CDH2: variants seen among roughly 807,000 people sequenced by gnomAD.
The protein encoded by CDH2 is cadherin 2, also known as cadherin-2.
A neutral mutation model predicts 92.0 loss-of-function variants in CDH2; 17 were observed. The ratio of observed to expected loss-of-function variants is 0.18; its 90% CI spans 0.13 to 0.28. CDH2 has a LOEUF of 0.28. CDH2 is among the 10% of genes least tolerant of loss of function. The pLI is 1.00. For synonymous variants in CDH2, 419 were observed against 415.9 expected (o/e 1.01, Z -0.09); for missense variants, 862 against 1,133.1 (o/e 0.76, Z 3.44).
intron 2 of CDH2, among the ~76,000 whole-genome samples, chr18:28,108,001 T>C (rs1011362600): frequency 2.0e-5 from 3 of 152,218 alleles, no homozygotes; most frequent in Non-Finnish European, 4.4e-5. Context: ...AATACAAATC[T>C]TCCCCTCTGT....
At chr18:28,036,123 T>C (rs1407914692) in intron 2 of CDH2, among the ~76,000 whole-genome samples, 1 of 152,196 alleles carries the variant, frequency 6.6e-6, no homozygotes, top group African/African-American at 2.4e-5. Context: ...CAAATACAGT[T>C]TGTTGTTAAG....
chr18:28,098,724 C>G (rs550761810), intron 2 of CDH2, among the ~76,000 whole-genome samples: 1 of 152,162 alleles, frequency 6.6e-6, no homozygotes, highest in African/African-American at 2.4e-5. Flanking sequence ...ATTAAGTAGG[C>G]TGCAAACAGG....
chr18:28,006,896 A>G (rs941942115), intron 5 of CDH2, among the ~76,000 whole-genome samples: 1 of 151,586 alleles, frequency 6.6e-6, no homozygotes, highest in African/African-American at 2.4e-5. Context: ...GGCTGGGCAC[A>G]GTGAGTAGCT....
chr18:27,982,273 T>C (rs182781218), intron 14 of CDH2, among the ~76,000 whole-genome samples: 1 of 152,330 alleles, frequency 6.6e-6, no homozygotes, highest in Admixed American at 6.5e-5. Flanking sequence ...TTTCCATTTA[T>C]GGTCATTCTC....
chr18:28,131,707 T>TGTGTGTGG (rs777344485), intron 2 of CDH2, among the ~76,000 whole-genome samples: 8 of 151,922 alleles, frequency 5.3e-5, no homozygotes, highest in Admixed American at 1.3e-4. Context: ...TGTGTGTGTG[T>TGTGTGTGG]GGCCTGAAAT....
At chr18:28,094,093 T>C (rs1189667792) in intron 2 of CDH2, among the ~76,000 whole-genome samples, 7 of 152,224 alleles carry the variant, frequency 4.6e-5, no homozygotes, top group Admixed American at 4.6e-4. Context: ...TATATCCTTC[T>C]ACAATTTTGA....
Position 27,952,178 on chromosome 18 carries a change from T to A in CDH2, c.2696A>T (p.Asp899Val). 1 of 1,613,650 alleles carries A rather than the reference T, an allele frequency of 6.2e-7. No individual in the cohort carries two copies. Among genetic ancestry groups the A allele is most frequent in the Non-Finnish European group, 8.5e-7 (1 of 1,179,676 alleles). ...TCAGTCATCACCTCCACCATACATGTCAGCAAGTTTCTTGAACCGTGGCCC... is the reference window on the plus strand; with the variant it reads ...TCAGTCATCACCTCCACCATACATGACAGCAAGTTTCTTGAACCGTGGCCC... ...DWGPRFKKLADMYGGGDD is the reference protein window; with the variant it reads ...DWGPRFKKLAVMYGGGDD The change falls in exon 16 of 16, where the codon GAC becomes GTC. Residue 899 changes from aspartate to valine, a missense_variant. Asp to Val is a radical substitution (Grantham distance 152). Transcript: ENST00000269141.
chr18:28,013,775 G>C lies in CDH2; in HGVS notation c.307C>G (p.Leu103Val), dbSNP rs1274222569. The change falls in exon 3 of 16, where the codon CTG (leucine) becomes GTG (valine). Residue 103 changes from leucine (L) to valine (V), a missense_variant. By Grantham distance (32) the Leu-to-Val change is conservative. Transcript: ENST00000269141. ...GTCTCTTTGTCTTGGGCATATATCA[G>C]GAACTTGGCATGCTCAGAAGAGAGT... ...FPLSSEHAKFLIYAQDKETQE... is the reference protein window; with the variant it reads ...FPLSSEHAKFVIYAQDKETQE... 1 of 1,613,832 alleles carries C rather than the reference G, an allele frequency of 6.2e-7. No homozygotes were observed. Among genetic ancestry groups the C allele is most frequent in the East Asian group, 2.2e-5 (1 of 44,870 alleles).
At chr18:28,039,479 A>T (rs550558239) in intron 2 of CDH2, among the ~76,000 whole-genome samples, 12 of 152,266 alleles carry the variant, frequency 7.9e-5, no homozygotes, top group African/African-American at 2.6e-4. Context: ...TCACATTTCC[A>T]TTTTATAAAT....
intron 1 of CDH2, among the ~76,000 whole-genome samples, chr18:28,150,929 CA>C (rs1316248942): frequency 6.6e-6 from 1 of 152,144 alleles, no homozygotes; most frequent in Admixed American, 6.5e-5. Flanking sequence ...AACTTTCAGT[CA>C]AAAAATAGCA....
At chr18:28,102,915 GAA>G (rs903281079) in intron 2 of CDH2, among the ~76,000 whole-genome samples, 1 of 148,166 alleles carries the variant, frequency 6.7e-6, no homozygotes. Flanking sequence ...TTCAGATTAT[GAA>G]AAAAAAAATT....
intron 2 of CDH2, chr18:28,146,208 G>A (rs2016032739): frequency 6.6e-6 from 1 of 152,048 alleles, no homozygotes; most frequent in African/African-American, 2.4e-5. Context: ...ATTTAAAAAT[G>A]AATCTCAAAA....
intron 2 of CDH2, among the ~76,000 whole-genome samples, chr18:28,082,607 G>A (rs1337374209): frequency 6.6e-6 from 1 of 151,948 alleles, no homozygotes; most frequent in Non-Finnish European, 1.5e-5. Context: ...GATACACAAA[G>A]CAATTCTTAT....
intron 2 of CDH2, among the ~76,000 whole-genome samples, chr18:28,044,005 C>T (rs150567224): frequency 4.6e-5 from 7 of 150,674 alleles, no homozygotes; most frequent in Admixed American, 1.3e-4. Flanking sequence ...CTCTGCCTCC[C>T]GGGTTCAAGC....
At chr18:27,963,311 G>A in intron 15 of CDH2, 46 bp downstream of exon 15, 1 of 1,572,644 alleles carries the variant, frequency 6.4e-7, no homozygotes, top group South Asian at 1.1e-5. Context: ...CTAACCATTA[G>A]CATGAAATGA....
At chr18:28,162,791 G>T (rs1287011536) in intron 1 of CDH2, among the ~76,000 whole-genome samples, 1 of 152,198 alleles carries the variant, frequency 6.6e-6, no homozygotes, top group African/African-American at 2.4e-5. Context: ...GTGCCTTCAG[G>T]TGAGTGGTTT....
intron 15 of CDH2, among the ~76,000 whole-genome samples, chr18:27,958,620 T>C (rs2011317317): frequency 6.6e-6 from 1 of 151,536 alleles, no homozygotes; most frequent in South Asian, 2.1e-4. Context: ...TATGTATATA[T>C]GTGTATATGT....
intron 2 of CDH2, among the ~76,000 whole-genome samples, chr18:28,122,550 G>A (rs148694259): frequency 1.3e-5 from 2 of 152,158 alleles, no homozygotes; most frequent in Non-Finnish European, 2.9e-5. Context: ...CCATGGTAAA[G>A]AGTGGGGTGG....
At position 27,991,509 on chromosome 18, in the gene CDH2, G is replaced by A. The variant is rs531494195; in HGVS notation, c.1344+1146C>T. Reference sequence around the variant, plus strand: ...TAGCCACACGAAACCTTCCCCTGATGTAACATTTATGCTAAGGGGTATATG... The same window carrying A: ...TAGCCACACGAAACCTTCCCCTGATATAACATTTATGCTAAGGGGTATATG... On this transcript the variant is annotated intron_variant, in intron 9 of 15. Coordinates refer to ENST00000269141, the MANE Select transcript of CDH2 (RefSeq NM_001792.5). Among the ~76,000 whole-genome samples, 4 of 152,282 alleles carry A rather than the reference G, an allele frequency of 2.6e-5. No individual in the cohort carries two copies. The South Asian group carries it at 8.3e-4, about 32-fold the overall frequency.
Sources: allele counts gnomAD v4.1 joint callset (sites outside exome capture counted in the v4.1 genomes callset), GRCh38; gene constraint gnomAD v4.1.1; transcripts MANE v1.5; gene names NCBI Gene and HGNC (gene_info 2026-07-23, HGNC 2026-07-21).